UGT1A9: variants seen among roughly 807,000 people sequenced by gnomAD.
The protein encoded by UGT1A9 is UDP glucuronosyltransferase family 1 member A9.
UGT1A9 carries 35 observed loss-of-function variants against 45.0 expected under a neutral mutation model. The observed-to-expected ratio is 0.78, with a 90% CI of 0.59 to 1.03. The LOEUF is 1.03. UGT1A9 is among the 50% of genes least tolerant of loss of function. The probability of loss-of-function intolerance (pLI) is 0.00; values close to 1 mark genes in which losing one functional copy is unlikely to be tolerated. For missense variants in UGT1A9, 687 were observed against 666.6 expected (o/e 1.03, Z -0.34); for synonymous variants, 278 against 250.6 (o/e 1.11, Z -1.03).
rs1491042837 is a variant in UGT1A9 at position 233,757,562 on chromosome 2, G to GTATATATATATATATATATA, written c.856-9465_856-9464insATATATATATATATATATAT. On this transcript the variant is annotated intron_variant, in intron 1 of 4. Coordinates refer to ENST00000354728, the MANE Select transcript of UGT1A9 (RefSeq NM_021027.3). ...TATATATATATATATATATATATAT[G>GTATATATATATATATATATA]TATATATGATATAGCTATAGTCTAA... 3.3e-5 allele frequency among the ~76,000 whole-genome samples: 3 copies of GTATATATATATATATATATA among 90,870 alleles called. 1 individual carries two copies. The highest frequency in any genetic ancestry group is 1.5e-4 in the African/African-American group (3 of 19,494). The allele number at this position is 90,870 out of a possible 152,430, so 59.6% of individuals were successfully genotyped here. A position where few individuals can be genotyped will look rare whatever the true frequency, so the allele number is the denominator to read the frequency against.
intron 1 of UGT1A9, among the ~76,000 whole-genome samples, chr2:233,722,551 G>C (rs1195630832): frequency 6.6e-6 from 1 of 152,024 alleles, no homozygotes; most frequent in Non-Finnish European, 1.5e-5. Context: ...AGTTTCTTTT[G>C]GTTGATTTGT....
chr2:233,672,846 G>T, intron 1 of UGT1A9, 57 bp downstream of exon 1: 3 of 1,546,390 alleles, frequency 1.9e-6, no homozygotes, highest in South Asian at 1.3e-5. Flanking sequence ...AATTAAAAAA[G>T]GATTCTTTAC....
chr2:233,723,259 G>T (rs1486772890), intron 1 of UGT1A9, among the ~76,000 whole-genome samples: 1 of 114,276 alleles, frequency 8.8e-6, no homozygotes, highest in African/African-American at 4.3e-5. Flanking sequence ...ACCCAGGCTG[G>T]AGTGCAATGG....
rs766536479 is a variant in UGT1A9 at position 233,760,908 on chromosome 2, G to GCAGC, written c.856-6125_856-6122dup. ...CTCATTCAGATCACATGACCTTCCT[G>GCAGC]CAGCGGGTGAAGAACATGCTCATTG... is the stretch of plus-strand genomic sequence containing the variant. On this transcript the variant is annotated intron_variant, in intron 1 of 4. Coordinates refer to ENST00000354728, the MANE Select transcript of UGT1A9 (RefSeq NM_021027.3). 8 of 1,614,152 alleles carry GCAGC rather than the reference G, an allele frequency of 5.0e-6. No individual in the cohort carries two copies. The South Asian group carries it at 8.8e-5, about 18-fold the overall frequency.
At chr2:233,764,775 G>T (rs1470259138) in intron 1 of UGT1A9, among the ~76,000 whole-genome samples, 1 of 152,162 alleles carries the variant, frequency 6.6e-6, no homozygotes, top group Non-Finnish European at 1.5e-5. Flanking sequence ...AAGGAGTTCA[G>T]AAAAACCATC....
intron 1 of UGT1A9, chr2:233,713,366 T>C (rs2076312897): frequency 1.2e-6 from 2 of 1,614,198 alleles, no homozygotes; most frequent in Non-Finnish European, 1.7e-6. Flanking sequence ...TGATCATACA[T>C]AGGTCTTGTG....
chr2:233,769,857 CAAAA>C lies in UGT1A9; in HGVS notation c.1295+1432_1295+1435del, dbSNP rs879204025. On this transcript the variant is annotated intron_variant, in intron 4 of 4. Coordinates refer to ENST00000354728, the MANE Select transcript of UGT1A9 (RefSeq NM_021027.3). This position sits in a 1 kb window ranked among gnomAD's most constrained non-coding sequence, Gnocchi z 4.4. ...TGGGCAACAGAGTGAGACCCTGTCTCAAAAAAAAAAAAAAAAATGAAAAGTCCAC... is the reference window on the plus strand; with the variant it reads ...TGGGCAACAGAGTGAGACCCTGTCTCAAAAAAAAAAAAATGAAAAGTCCAC... The C allele has an allele frequency of 2.0e-3, 458 of 223,780 alleles. No individual in the cohort carries two copies. Among genetic ancestry groups the C allele is most frequent in the Middle Eastern group, 6.2e-3 (5 of 804 alleles). The allele number at this position is 223,780 out of a possible 1,614,324, so 13.9% of individuals were successfully genotyped here. A position where few individuals can be genotyped will look rare whatever the true frequency, so the allele number is the denominator to read the frequency against.
intron 1 of UGT1A9, among the ~76,000 whole-genome samples, chr2:233,679,279 C>T (rs150747338): frequency 1.4e-4 from 22 of 152,328 alleles, no homozygotes; most frequent in Non-Finnish European, 2.2e-4. Context: ...AATGCATTTT[C>T]TGCCTTCACG....
intron 1 of UGT1A9, chr2:233,693,622 CCAA>C (rs746308513): frequency 3.7e-6 from 6 of 1,614,072 alleles, no homozygotes; most frequent in African/African-American, 1.3e-5. Flanking sequence ...TGACTTTTTC[CCAA>C]CGAGTGGCCA....
chr2:233,676,022 C>G (rs1344116226), intron 1 of UGT1A9, among the ~76,000 whole-genome samples: 1 of 152,138 alleles, frequency 6.6e-6, no homozygotes, highest in Non-Finnish European at 1.5e-5. Context: ...GAAATAAACC[C>G]ATACATATAC....
At chr2:233,753,902 T>C (rs1695339006) in intron 1 of UGT1A9, among the ~76,000 whole-genome samples, 1 of 152,224 alleles carries the variant, frequency 6.6e-6, no homozygotes, top group African/African-American at 2.4e-5. Context: ...AACATGCTTC[T>C]TACACCGATT....
At chr2:233,713,798 C>T in intron 1 of UGT1A9, 1 of 1,614,086 alleles carries the variant, frequency 6.2e-7, no homozygotes, top group Non-Finnish European at 8.5e-7. Flanking sequence ...CCAGGCCGAT[C>T]ATGCCCAACA....
intron 1 of UGT1A9, among the ~76,000 whole-genome samples, chr2:233,737,957 G>A (rs779523802): frequency 7.9e-5 from 12 of 151,950 alleles, no homozygotes; most frequent in Non-Finnish European, 1.6e-4. Context: ...CCCAACATGA[G>A]GTCACACTAG....
intron 1 of UGT1A9, chr2:233,681,811 A>AT (rs1015363020): frequency 1.8e-4 from 261 of 1,487,870 alleles, no homozygotes; most frequent in Middle Eastern, 3.8e-4. Context: ...GTGAATGTGA[A>AT]TTTTTTTTTA....
chr2:233,721,491 G>A (rs1273108761), intron 1 of UGT1A9: 2 of 174,316 alleles, frequency 1.1e-5, no homozygotes, highest in East Asian at 1.8e-4. Flanking sequence ...TATTATTTTA[G>A]TTTAATTGCA....
intron 1 of UGT1A9, chr2:233,693,616 T>C (rs1361401309): frequency 1.9e-6 from 3 of 1,614,068 alleles, no homozygotes; most frequent in Middle Eastern, 1.6e-4. Context: ...ACCACATGAC[T>C]TTTTCCCAAC....
chr2:233,690,040 GC>G, intron 1 of UGT1A9: 1 of 416,166 alleles, frequency 2.4e-6, no homozygotes, highest in South Asian at 1.8e-5. Context: ...TGGGCCCAGA[GC>G]ATTCTGACTT....
At chr2:233,715,903 T>C (rs995195646) in intron 1 of UGT1A9, among the ~76,000 whole-genome samples, 1 of 152,162 alleles carries the variant, frequency 6.6e-6, no homozygotes, top group Non-Finnish European at 1.5e-5. Context: ...GAGGCTCAGG[T>C]GGGAGGATCA....
At chr2:233,743,553 T>TA in intron 1 of UGT1A9, 1 of 1,367,178 alleles carries the variant, frequency 7.3e-7, no homozygotes, top group Non-Finnish European at 9.8e-7. Context: ...CCCCCCAAAA[T>TA]ATTCTCCAGC....
Sources: allele counts gnomAD v4.1 joint callset (sites outside exome capture counted in the v4.1 genomes callset), GRCh38; gene constraint gnomAD v4.1.1; non-coding constraint Gnocchi (gnomAD v3.1); transcripts MANE v1.5; gene names NCBI Gene and HGNC (gene_info 2026-07-23, HGNC 2026-07-21).